LPA: variants seen among roughly 807,000 people sequenced by gnomAD.
The protein encoded by LPA is apolipoprotein(a).
A neutral mutation model predicts 197.9 loss-of-function variants in LPA; 199 were observed. That is an observed-to-expected ratio of 1.01 (90% CI 0.90 to 1.13). The LOEUF (loss-of-function observed/expected upper bound fraction) is 1.13, where lower values mean the gene tolerates loss of function less well. LPA is among the 50% of genes most tolerant of loss of function. The pLI, the probability that LPA is intolerant of heterozygous loss-of-function variation, is 0.00. For synonymous variants in LPA, 715 were observed against 639.5 expected, an observed-to-expected ratio of 1.12 and a Z score of -1.78; for missense variants, 1,853 against 1,785.8, an observed-to-expected ratio of 1.04 and a Z score of -0.68.
chr6:160,563,818 T>C (rs1394342014), intron 28 of LPA, among the ~76,000 whole-genome samples: 1 of 152,250 alleles, frequency 6.6e-6, no homozygotes, highest in Non-Finnish European at 1.5e-5. Context: ...CATTAGGTAA[T>C]GCCCTCCTTT....
chr6:160,585,805 A>C (rs1191063520), intron 25 of LPA, among the ~76,000 whole-genome samples: 1 of 152,100 alleles, frequency 6.6e-6, no homozygotes, highest in Admixed American at 6.6e-5. Flanking sequence ...CATTACAAGA[A>C]AGCTGACATC....
chr6:160,611,684 G>C lies in LPA; in HGVS notation c.2481C>G (p.Tyr827Ter). ...TEQRPGVQEC[Y>*]HGNGQSYRGT... is the part of the protein sequence containing the mutation. ...CTCGATAACTCTGTCCATTACCGTG[G>C]TAGCACTCCTGCACCCCAGGCCTCT... Residue 827 changes from tyrosine (Y) to a stop codon, truncating the protein, a stop_gained, in exon 16 of 39, where the codon TAC becomes TAG. Coordinates refer to ENST00000316300, the MANE Select transcript of LPA (RefSeq NM_005577.4). LOFTEE classifies it high-confidence loss of function. The C allele has an allele frequency of 6.5e-7, 1 of 1,547,230 alleles. No homozygotes were observed. Among genetic ancestry groups the C allele is most frequent in the Non-Finnish European group, 8.8e-7 (1 of 1,138,968 alleles).
intron 29 of LPA, 142 bp downstream of exon 29, chr6:160,557,248 C>CAG: frequency 9.7e-7 from 1 of 1,030,222 alleles, no homozygotes; most frequent in East Asian, 2.5e-5. Context: ...ATTGCTCCAC[C>CAG]AGAGAGAGTG....
intron 28 of LPA, among the ~76,000 whole-genome samples, chr6:160,565,966 A>G (rs1055670720): frequency 2.6e-5 from 4 of 152,186 alleles, no homozygotes; most frequent in Admixed American, 1.3e-4. Flanking sequence ...AAGCGAGAAG[A>G]GAAGTTTAGA....
At chr6:160,536,149 T>TTATTC (rs1193305698) in intron 37 of LPA, among the ~76,000 whole-genome samples, 1 of 152,164 alleles carries the variant, frequency 6.6e-6, no homozygotes, top group Non-Finnish European at 1.5e-5. Flanking sequence ...GTGGCCTTTC[T>TTATTC]TATTCTTTCC....
chr6:160,560,251 C>T (rs572380964), intron 28 of LPA, among the ~76,000 whole-genome samples: 4 of 152,138 alleles, frequency 2.6e-5, no homozygotes, highest in Middle Eastern at 3.2e-3. Flanking sequence ...AATAAACATA[C>T]GTGTGCATGT....
At chr6:160,582,178 T>C (rs747314171) in intron 26 of LPA, among the ~76,000 whole-genome samples, 10 of 152,110 alleles carry the variant, frequency 6.6e-5, no homozygotes, top group Non-Finnish European at 1.3e-4. Context: ...TTCTTTTCAC[T>C]CTAAAGGTGT....
In LPA at chr6:160,584,283, TC is replaced by T. The variant is rs1381480616; in HGVS notation, c.4289+762del. 1.5e-4 allele frequency among the ~76,000 whole-genome samples: 22 copies of T among 149,702 alleles called. 1 individual carries two copies. In the East Asian group the frequency reaches 4.4e-3, roughly 30 times the overall value. ...CTCTTCCTCTTCCTCTTCTTCTTCT[TC>T]TTCTTCTTCCTCTTCTTCTTCTTCC... On this transcript the variant is annotated intron_variant, in intron 26 of 38. Transcript: ENST00000316300.
At chr6:160,543,258 C>G (rs1778014242) in intron 33 of LPA, among the ~76,000 whole-genome samples, 1 of 152,100 alleles carries the variant, frequency 6.6e-6, no homozygotes, top group Non-Finnish European at 1.5e-5. Context: ...TCTTTTCCTC[C>G]TCCCTGCCTT....
intron 20 of LPA, among the ~76,000 whole-genome samples, chr6:160,597,614 TA>T (rs1242110188): frequency 2.6e-5 from 4 of 152,254 alleles, no homozygotes; most frequent in Non-Finnish European, 5.9e-5. Context: ...ATATACCTTT[TA>T]ATAGTCCTTT....
chr6:160,570,310 G>T (rs1211673291), intron 28 of LPA, among the ~76,000 whole-genome samples: 1 of 152,140 alleles, frequency 6.6e-6, no homozygotes, highest in South Asian at 2.1e-4. Context: ...CAGCCATAAA[G>T]AAGGATGACT....
chr6:160,601,111 A>C lies in LPA; in HGVS notation c.2946-13T>G, dbSNP rs1298477954. On this transcript the variant is annotated splice_polypyrimidine_tract_variant and intron_variant, in intron 18 of 38. Coordinates refer to ENST00000316300, the MANE Select transcript of LPA (RefSeq NM_005577.4). The stretch of plus-strand genomic sequence containing the variant: ...CTTGATCAAGCCACTGGAAATTCCA[A>C]AAGAATACACATCACAAAAAATGGG... 1 of 1,613,796 alleles carries C rather than the reference A, an allele frequency of 6.2e-7. No homozygotes were observed. The highest frequency in any genetic ancestry group is 1.3e-5 in the African/African-American group (1 of 74,904).
At position 160,542,769 on chromosome 6, in the gene LPA, G is replaced by A. The variant is rs771057576; in HGVS notation, c.5438C>T (p.Pro1813Leu). 17 of 1,613,946 alleles carry A rather than the reference G, an allele frequency of 1.1e-5. No homozygotes were observed. The highest frequency in any genetic ancestry group is 1.6e-4 in the Middle Eastern group (1 of 6,082). The part of the protein sequence containing the change: ...SFDCGKPQVE[P>L]KKCPGSIVGG... ...TACAATGCTTCCAGGACATTTCTTC[G>A]GCTCCACTTGAGGCTTCCCACAATC... The change falls in exon 34 of 39, where the codon CCG (proline) becomes CTG (leucine). Residue 1813 changes from proline (P) to leucine (L), a missense_variant. Around this residue, in one of 3 missense-constraint regions of LPA, gnomAD observed 1,737 missense variants for 1,504.4 expected, o/e 1.15. Transcript: ENST00000316300.
chr6:160,634,792 C>CTGGCT (rs1779772312), intron 7 of LPA, among the ~76,000 whole-genome samples: 1 of 150,650 alleles, frequency 6.6e-6, no homozygotes, highest in African/African-American at 2.5e-5. Flanking sequence ...GAAAAGCTTA[C>CTGGCT]TGCGACAGAA....
intron 16 of LPA, among the ~76,000 whole-genome samples, chr6:160,611,227 C>T (rs183153297): frequency 3.3e-5 from 5 of 152,244 alleles, no homozygotes; most frequent in East Asian, 1.9e-4. Flanking sequence ...GTCAGAATAA[C>T]GGAATTCCAA....
At chr6:160,602,998 T>TG (rs1199167785) in intron 18 of LPA, among the ~76,000 whole-genome samples, 4 of 110,816 alleles carry the variant, frequency 3.6e-5, no homozygotes, top group African/African-American at 7.7e-5. Context: ...CATACAGTTT[T>TG]TTTTTTTTTT....
chr6:160,657,157 C>T (rs763388564), intron 1 of LPA, among the ~76,000 whole-genome samples: 5 of 152,132 alleles, frequency 3.3e-5, no homozygotes, highest in African/African-American at 4.8e-5. Context: ...ATTACGGGCT[C>T]TTCAAAAATA....
intron 16 of LPA, among the ~76,000 whole-genome samples, chr6:160,607,608 C>T (rs1199225197): frequency 6.6e-6 from 1 of 152,146 alleles, no homozygotes; most frequent in African/African-American, 2.4e-5. Flanking sequence ...AAGAACGTTG[C>T]TCCAACCTCT....
At chr6:160,537,772 C>G in intron 37 of LPA, 83 bp downstream of exon 37, 1 of 1,296,178 alleles carries the variant, frequency 7.7e-7, no homozygotes, top group Non-Finnish European at 1.1e-6. Flanking sequence ...GGAATTTGTA[C>G]AACTATCTCC....
Sources: gnomAD v4.1 joint callset for allele counts (sites outside exome capture counted in the v4.1 genomes callset) on GRCh38, gnomAD v4.1.1 for gene constraint, gnomAD v4.1.1 regional missense constraint, MANE v1.5 for transcripts, NCBI Gene and HGNC (gene_info 2026-07-23, HGNC 2026-07-21) for gene names.